The following TNKS variants were observed in gnomAD, a reference collection of about 807,000 sequenced individuals.
The protein encoded by TNKS is tankyrase.
TNKS carries 72 observed loss-of-function variants against 135.8 expected under a neutral mutation model. The observed-to-expected ratio is 0.53, with a 90% CI of 0.44 to 0.64. TNKS has a LOEUF of 0.64. Among genes scored for constraint, TNKS ranks in the 30% least tolerant of loss-of-function variants. The pLI is 0.00. For missense variants in TNKS, 1,769 were observed against 1,674.0 expected, an observed-to-expected ratio of 1.06 and a Z score of -0.99; for synonymous variants, 849 against 649.3, an observed-to-expected ratio of 1.31 and a Z score of -4.68.
chr8:9,729,771 C>CTTTTTTTTTTT (rs763357075), intron 13 of TNKS, among the ~76,000 whole-genome samples: 2 of 95,016 alleles, frequency 2.1e-5, no homozygotes, highest in Non-Finnish European at 3.8e-5. Context: ...ATATGATATT[C>CTTTTTTTTTTT]TTTTTTTTTT....
chr8:9,615,316 C>G, intron 2 of TNKS: 1 of 253,318 alleles, frequency 3.9e-6, no homozygotes, highest in Non-Finnish European at 7.5e-6. Flanking sequence ...GGAGGCAAAC[C>G]AAAACTCTAC....
intron 3 of TNKS, among the ~76,000 whole-genome samples, chr8:9,636,064 A>C (rs1375629461): frequency 2.6e-5 from 4 of 152,210 alleles, no homozygotes; most frequent in Non-Finnish European, 5.9e-5. Flanking sequence ...ATAGGCACTG[A>C]AGTACTAAAC....
intron 14 of TNKS, among the ~76,000 whole-genome samples, chr8:9,731,654 C>CAA: frequency 6.6e-6 from 1 of 151,310 alleles, no homozygotes; most frequent in African/African-American, 2.4e-5. Context: ...ATGGTGGTGC[C>CAA]TTCCTATATG....
rs142519205 is a variant in TNKS at position 9,723,654 on chromosome 8, G to A, written c.1922-2987G>A. ...GCTCTTTCCAATATGGTAGCCACTA[G>A]CTACATCTGGCTACATTTAAACTAA... On this transcript the variant is annotated intron_variant, in intron 12 of 26. Coordinates refer to ENST00000310430, the MANE Select transcript of TNKS (RefSeq NM_003747.3). 4.2e-3 allele frequency among the ~76,000 whole-genome samples: 640 copies of A among 152,244 alleles called. 1 individual carries two copies. Among genetic ancestry groups the A allele is most frequent in the Non-Finnish European group, 5.9e-3 (399 of 68,006 alleles).
chr8:9,704,301 A>C (rs886399106), intron 5 of TNKS, among the ~76,000 whole-genome samples: 1 of 152,184 alleles, frequency 6.6e-6, no homozygotes, highest in Non-Finnish European at 1.5e-5. Context: ...GACAGGATTT[A>C]AGTAGGATAA....
In TNKS at chr8:9,752,542, A is replaced by C. The variant is rs770473684; in HGVS notation, c.3071-2A>C. ...AGAATCTTTAATATGTTTCTGTTTT[A>C]GTTGCTGGTCTTGACATGAATATCA... is the stretch of plus-strand genomic sequence containing the variant. On this transcript the variant is annotated splice_acceptor_variant, in intron 19 of 26. Transcript: ENST00000310430. LOFTEE classifies it high-confidence loss of function. 6.2e-7 allele frequency: 1 copy of C among 1,607,388 alleles called. No individual in the cohort carries two copies. Among genetic ancestry groups the C allele is most frequent in the Admixed American group, 1.7e-5 (1 of 59,696 alleles).
chr8:9,745,199 G>A (rs1178944297), intron 17 of TNKS, among the ~76,000 whole-genome samples: 1 of 152,062 alleles, frequency 6.6e-6, no homozygotes, highest in African/African-American at 2.4e-5. Context: ...AAATTACTAG[G>A]TTTGGTTTTG....
intron 17 of TNKS, chr8:9,741,206 T>G (rs557801420): frequency 1.3e-5 from 2 of 152,668 alleles, no homozygotes; most frequent in Non-Finnish European, 2.9e-5. Flanking sequence ...TCTCTTCATA[T>G]GGTTTTCTAC....
chr8:9,776,747 C>T lies in TNKS; in HGVS notation c.*11C>T, dbSNP rs1369799429. 1 of 1,612,798 alleles carries T rather than the reference C, an allele frequency of 6.2e-7. No homozygotes were observed. ...GAGCAGAAGACCTAGTGAATGCCTGCTGGTGAAGGCCAGATCAGATTTCAA... is the reference window on the plus strand; with the variant it reads ...GAGCAGAAGACCTAGTGAATGCCTGTTGGTGAAGGCCAGATCAGATTTCAA... On this transcript the variant is annotated 3_prime_UTR_variant, in exon 27 of 27. Transcript: ENST00000310430.
At chr8:9,677,709 A>C (rs1365598876) in intron 3 of TNKS, among the ~76,000 whole-genome samples, 4 of 152,142 alleles carry the variant, frequency 2.6e-5, no homozygotes, top group Non-Finnish European at 5.9e-5. Flanking sequence ...TTGTTAAAAT[A>C]TTGCAGTATT....
intron 3 of TNKS, among the ~76,000 whole-genome samples, chr8:9,631,163 A>G (rs1264474393): frequency 1.3e-5 from 2 of 152,196 alleles, no homozygotes. Flanking sequence ...ACCGTTAACT[A>G]GTTCATAAAG....
At chr8:9,576,080 C>G (rs1585186027) in intron 1 of TNKS, among the ~76,000 whole-genome samples, 1 of 152,330 alleles carries the variant, frequency 6.6e-6, no homozygotes, top group African/African-American at 2.4e-5. Flanking sequence ...ATTTTCCCAT[C>G]TGTCCTCATG....
At chr8:9,684,694 A>T (rs1012142055) in intron 5 of TNKS, among the ~76,000 whole-genome samples, 12 of 152,122 alleles carry the variant, frequency 7.9e-5, no homozygotes, top group Non-Finnish European at 1.6e-4. Flanking sequence ...TCTCCAATGT[A>T]ATTTTGAGTA....
At chr8:9,585,266 G>A (rs145338717) in intron 2 of TNKS, among the ~76,000 whole-genome samples, 123 of 151,774 alleles carry the variant, frequency 8.1e-4, no homozygotes, top group African/African-American at 2.8e-3. Flanking sequence ...GTTGAAACAT[G>A]GAAATCATGA....
At chr8:9,766,539 T>A in intron 25 of TNKS, 114 bp downstream of exon 25, 1 of 996,852 alleles carries the variant, frequency 1.0e-6, no homozygotes, top group Non-Finnish European at 1.4e-6. Context: ...CAGGCTGGAG[T>A]GCGGTGGCAC....
chr8:9,772,264 G>A, intron 26 of TNKS: 1 of 408,856 alleles, frequency 2.4e-6, no homozygotes, highest in South Asian at 1.8e-5. Context: ...AAGGGGGCTG[G>A]GGGGAGGAGT....
chr8:9,775,459 C>A (rs1443845330), intron 26 of TNKS, among the ~76,000 whole-genome samples: 14 of 80,618 alleles, frequency 1.7e-4, no homozygotes, highest in South Asian at 9.3e-4. Context: ...ATGAATGGTT[C>A]TATATATATA....
chr8:9,761,678 G>A (rs757527076), intron 21 of TNKS, 42 bp downstream of exon 21: 1 of 1,575,008 alleles, frequency 6.3e-7, no homozygotes, highest in Non-Finnish European at 8.6e-7. Context: ...GAAATCAGTG[G>A]TACAAGGTAA....
intron 3 of TNKS, among the ~76,000 whole-genome samples, chr8:9,662,679 G>C (rs1345335129): frequency 6.6e-6 from 1 of 152,000 alleles, no homozygotes; most frequent in African/African-American, 2.4e-5. Context: ...ATGCCAACAT[G>C]GCATATGTAT....
Sources: gnomAD v4.1 joint callset for allele counts (sites outside exome capture counted in the v4.1 genomes callset) on GRCh38, gnomAD v4.1.1 for gene constraint, MANE v1.5 for transcripts, NCBI Gene and HGNC (gene_info 2026-07-23, HGNC 2026-07-21) for gene names.